The following STARD13 variants were observed in gnomAD, a reference collection of about 807,000 sequenced individuals.
STARD13 encodes StAR related lipid transfer domain containing 13, also known as stAR-related lipid transfer protein 13.
Under a neutral mutation model 106.4 loss-of-function variants are expected in STARD13, and 62 were observed. That is an observed-to-expected ratio of 0.58 (90% CI 0.48 to 0.72). STARD13 has a LOEUF of 0.72. Ranked by LOEUF, STARD13 falls within the 30% of genes least tolerant of loss-of-function variation. The probability of loss-of-function intolerance (pLI) is 0.00; values close to 1 mark genes in which losing one functional copy is unlikely to be tolerated. For missense variants in STARD13, 1,387 were observed against 1,424.0 expected, an observed-to-expected ratio of 0.97 and a Z score of 0.42; for synonymous variants, 565 against 553.0, an observed-to-expected ratio of 1.02 and a Z score of -0.31.
the STARD13 span, among the ~76,000 whole-genome samples, chr13:33,571,383 T>C: frequency 6.6e-6 from 1 of 152,178 alleles, no homozygotes; most frequent in Non-Finnish European, 1.5e-5. Context: ...TTATTTTGCT[T>C]TTGAGAACAA....
chr13:33,377,023 C>T, the STARD13 span, among the ~76,000 whole-genome samples: 1 of 152,302 alleles, frequency 6.6e-6, no homozygotes, highest in African/African-American at 2.4e-5. Flanking sequence ...TGGTATTCAG[C>T]ACATAAGAAA....
At chr13:33,463,456 C>A in the STARD13 span, among the ~76,000 whole-genome samples, 111 of 152,328 alleles carry the variant, frequency 7.3e-4, no homozygotes, top group African/African-American at 2.5e-3. Context: ...TGGAAACTGA[C>A]ATTGCGCACT....
chr13:33,164,403 A>G (rs973395628), intron 3 of STARD13: 5 of 152,182 alleles, frequency 3.3e-5, no homozygotes, highest in Admixed American at 6.5e-5. Context: ...TACCTTATTT[A>G]TGTCAAATGC....
At chr13:33,209,334 C>A (rs934011215) in intron 1 of STARD13, among the ~76,000 whole-genome samples, 17 of 152,102 alleles carry the variant, frequency 1.1e-4, no homozygotes, top group African/African-American at 3.9e-4. Context: ...TGTGCCTGAG[C>A]CAATCAGCAT....
At chr13:33,622,352 G>A in the STARD13 span, among the ~76,000 whole-genome samples, 3 of 152,012 alleles carry the variant, frequency 2.0e-5, no homozygotes, top group Non-Finnish European at 4.4e-5. Context: ...AGAATAATAA[G>A]TTGACCAAAT....
At chr13:33,337,599 T>G (rs2077911286) in intron 1 of STARD13, among the ~76,000 whole-genome samples, 2 of 152,308 alleles carry the variant, frequency 1.3e-5, no homozygotes, top group South Asian at 4.2e-4. Flanking sequence ...AATAAACACT[T>G]TCTTTTTTGG....
intron 1 of STARD13, among the ~76,000 whole-genome samples, chr13:33,327,060 C>T (rs2091993726): frequency 6.6e-6 from 1 of 152,176 alleles, no homozygotes; most frequent in Non-Finnish European, 1.5e-5. Context: ...ATGGTTAGCA[C>T]TCAAAAAGCT....
chr13:33,608,581 A>G, the STARD13 span, among the ~76,000 whole-genome samples: 2 of 152,242 alleles, frequency 1.3e-5, no homozygotes, highest in Non-Finnish European at 2.9e-5. Flanking sequence ...TAGGGAAACA[A>G]TATGACAGGT....
At chr13:33,667,017 C>A in the STARD13 span, among the ~76,000 whole-genome samples, 11 of 152,192 alleles carry the variant, frequency 7.2e-5, no homozygotes, top group African/African-American at 2.4e-4. Flanking sequence ...ACAAATAACC[C>A]AAGAATGTTC....
At chr13:33,276,543 T>G (rs1009265397) in intron 1 of STARD13, 1 of 152,234 alleles carries the variant, frequency 6.6e-6, no homozygotes, top group African/African-American at 2.4e-5. Context: ...TGTGATTTTA[T>G]GACTATACAT....
chr13:33,391,453 G>C, the STARD13 span, among the ~76,000 whole-genome samples: 1 of 152,142 alleles, frequency 6.6e-6, no homozygotes, highest in South Asian at 2.1e-4. Context: ...GCTTTAGTGA[G>C]ATAAATGTCC....
chr13:33,146,048 G>T (rs537123448), intron 3 of STARD13, among the ~76,000 whole-genome samples: 12 of 152,220 alleles, frequency 7.9e-5, no homozygotes, highest in African/African-American at 2.6e-4. Context: ...AATTAAGCCG[G>T]GTGTGGTGGC....
rs181708613 is a variant in STARD13, at chr13:33,304,382, G to C, written c.124+45908C>G. ...AGATACCAAAACACTTTAAACTCTT[G>C]TAGGAATGTGTTTTAGTGCTTTACA... On this transcript the variant is annotated intron_variant, in intron 1 of 5. Coordinates refer to the STARD13 transcript ENST00000567873. 3.3e-5 allele frequency among the ~76,000 whole-genome samples: 5 copies of C among 152,224 alleles called. No individual in the cohort carries two copies. The East Asian group carries it at 9.6e-4, about 29-fold the overall frequency.
the STARD13 span, among the ~76,000 whole-genome samples, chr13:33,577,900 G>T: frequency 6.6e-6 from 1 of 152,036 alleles, no homozygotes; most frequent in Non-Finnish European, 1.5e-5. Context: ...TTTTGTGAAA[G>T]ATGCTGTTAA....
At chr13:33,370,109 A>G in the STARD13 span, among the ~76,000 whole-genome samples, 2 of 152,174 alleles carry the variant, frequency 1.3e-5, no homozygotes, top group African/African-American at 4.8e-5. Context: ...TGGGGACAAT[A>G]ATTTTCCCTG....
chr13:33,262,777 T>G (rs1019788746), intron 1 of STARD13, among the ~76,000 whole-genome samples: 1 of 151,212 alleles, frequency 6.6e-6, no homozygotes, highest in South Asian at 2.1e-4. Context: ...ACCGAAATCT[T>G]CACTCTGCTC....
the STARD13 span, among the ~76,000 whole-genome samples, chr13:33,541,762 G>C: frequency 6.6e-6 from 1 of 152,340 alleles, no homozygotes; most frequent in East Asian, 1.9e-4. Context: ...GGAGAACTGA[G>C]CACTTTGCAC....
chr13:33,538,694 G>C, the STARD13 span, among the ~76,000 whole-genome samples: 2 of 150,816 alleles, frequency 1.3e-5, no homozygotes, highest in Non-Finnish European at 3.0e-5. Flanking sequence ...GGCATACCAG[G>C]AAACAGAAGA....
At chr13:33,568,665 C>T in the STARD13 span, among the ~76,000 whole-genome samples, 8 of 147,578 alleles carry the variant, frequency 5.4e-5, 1 homozygote, top group African/African-American at 9.9e-5. Context: ...CAGAAAGTCC[C>T]AGGTTATAAA....
Sources: gnomAD v4.1 joint callset for allele counts (sites outside exome capture counted in the v4.1 genomes callset) on GRCh38, gnomAD v4.1.1 for gene constraint, MANE v1.5 for transcripts, NCBI Gene and HGNC (gene_info 2026-07-23, HGNC 2026-07-21) for gene names.